Variants in ZNF2 observed in about 807,000 individuals in gnomAD.
ZNF2 encodes zinc finger protein 2.2.
ZNF2 carries 12 observed loss-of-function variants against 21.9 expected under a neutral mutation model. The observed-to-expected ratio is 0.55, with a 90% CI of 0.35 to 0.89. The LOEUF (loss-of-function observed/expected upper bound fraction) is 0.89, where lower values mean the gene tolerates loss of function less well. Among genes scored for constraint, ZNF2 ranks in the 40% least tolerant of loss-of-function variants. The pLI is 0.01. For synonymous variants in ZNF2, 186 were observed against 196.3 expected (o/e 0.95, Z 0.44); for missense variants, 462 against 544.2 (o/e 0.85, Z 1.50).
At chr2:95,176,529 T>C (rs145433611) in intron 2 of ZNF2, among the ~76,000 whole-genome samples, 7 of 152,256 alleles carry the variant, frequency 4.6e-5, no homozygotes, top group Non-Finnish European at 1.0e-4. Context: ...AGGGTCTGAT[T>C]GGAAGGTTTG....
At position 95,181,219 on chromosome 2, in the gene ZNF2, A is replaced by G. The variant is rs1259298451; in HGVS notation, c.391A>G (p.Asn131Asp). ...TCCTAAATTTGAAGTTCATACACCC[A>G]ATGGCAGGATGGGAACAGAAAAGCA... The part of the protein sequence containing the change: ...LCPKFEVHTP[N>D]GRMGTEKQSP... Residue 131 changes from asparagine (N) to aspartate (D), a missense_variant, in exon 5 of 5, where the codon AAT (asparagine) becomes GAT (aspartate). By Grantham distance (23) the Asn-to-Asp change is conservative (BLOSUM62 1). Transcript: ENST00000614034. 4 of 1,614,100 alleles carry G rather than the reference A, an allele frequency of 2.5e-6. No individual in the cohort carries two copies. The African/African-American group carries it at 5.3e-5, about 22-fold the overall frequency.
chr2:95,170,433 G>A (rs554257295), intron 1 of ZNF2, among the ~76,000 whole-genome samples: 2 of 152,116 alleles, frequency 1.3e-5, no homozygotes, highest in African/African-American at 4.8e-5. Context: ...TTAAAATTTT[G>A]CTTGGCCAGT....
chr2:95,180,720 T>C (rs1408601062), intron 4 of ZNF2, among the ~76,000 whole-genome samples: 1 of 152,102 alleles, frequency 6.6e-6, no homozygotes, highest in Non-Finnish European at 1.5e-5. Flanking sequence ...ATGATGGCCA[T>C]GCTGGTCTCG....
Position 95,183,635 on chromosome 2 carries a change from TTG to T in ZNF2, c.*1532_*1533del, listed in dbSNP as rs1674759124. On this transcript the variant is annotated 3_prime_UTR_variant, in exon 5 of 5. Transcript: ENST00000614034. ...CCTATTTTTTTTTTTTTTTTTTTTT[TTG>T]TGAGACAGAGTCTCACTCTGTCACC... 1.4e-5 allele frequency: 2 copies of T among 147,476 alleles called. No individual in the cohort carries two copies. Among genetic ancestry groups the T allele is most frequent in the Admixed American group, 1.3e-4 (2 of 14,836 alleles). 9.1% of individuals were successfully genotyped at this position (147,476 alleles called of 1,614,324 possible).
chr2:95,174,658 C>T (rs1027836247), intron 1 of ZNF2, among the ~76,000 whole-genome samples: 1 of 152,200 alleles, frequency 6.6e-6, no homozygotes, highest in African/African-American at 2.4e-5. Context: ...TCCATCCCTC[C>T]CTGCTGGGTT....
intron 1 of ZNF2, among the ~76,000 whole-genome samples, chr2:95,170,642 C>G (rs1573393643): frequency 6.6e-6 from 1 of 152,198 alleles, no homozygotes; most frequent in Non-Finnish European, 1.5e-5. Context: ...ATCTATTGAT[C>G]TGGTCTTTTG....
intron 1 of ZNF2, among the ~76,000 whole-genome samples, chr2:95,168,567 C>T (rs1428629123): frequency 2.6e-5 from 4 of 152,200 alleles, no homozygotes; most frequent in African/African-American, 2.4e-5. Context: ...TCACACATCT[C>T]GCTGCCCTAG....
intron 1 of ZNF2, 69 bp from the exon 2 acceptor site, chr2:95,176,119 C>A: frequency 1.4e-6 from 2 of 1,384,930 alleles, no homozygotes; most frequent in South Asian, 1.2e-5. Flanking sequence ...CTTCATGGGT[C>A]AAAAGACTAT....
rs58424759 is a variant in ZNF2, at chr2:95,172,965, ATTT to A, written c.-39-3211_-39-3209del. Among the ~76,000 whole-genome samples the A allele has an allele frequency of 3.6e-5, 5 of 139,048 alleles. No homozygotes were observed. In the South Asian group the frequency reaches 1.1e-3, roughly 32 times the overall value. 91.2% of individuals were successfully genotyped at this position (139,048 alleles called of 152,430 possible). ...CTTTGTGGTTTTTTTTCAGTTGTTGATTTTTTTTTTTTTTGTAAGAAACAAAGC... is the reference window on the plus strand; with the variant it reads ...CTTTGTGGTTTTTTTTCAGTTGTTGATTTTTTTTTTTGTAAGAAACAAAGC... On this transcript the variant is annotated intron_variant, in intron 1 of 4. Transcript: ENST00000614034.
At chr2:95,177,259 T>G (rs1234031347) in intron 2 of ZNF2, among the ~76,000 whole-genome samples, 1 of 152,214 alleles carries the variant, frequency 6.6e-6, no homozygotes, top group Non-Finnish European at 1.5e-5. Flanking sequence ...AGTCTGATAT[T>G]CAGAAGCTCA....
intron 1 of ZNF2, among the ~76,000 whole-genome samples, chr2:95,168,661 T>G (rs1431917563): frequency 2.6e-5 from 4 of 152,214 alleles, no homozygotes; most frequent in Admixed American, 6.5e-5. Context: ...GAAGAGAACT[T>G]TATTTGTTGA....
chr2:95,173,978 G>A (rs950790114), intron 1 of ZNF2, among the ~76,000 whole-genome samples: 12 of 152,160 alleles, frequency 7.9e-5, no homozygotes, highest in African/African-American at 2.9e-4. Context: ...CAAAGTGCTG[G>A]GATTACAGGC....
At position 95,181,541 on chromosome 2, in the gene ZNF2, T is replaced by C; in HGVS notation, c.713T>C (p.Phe238Ser). ...PYECSVCSKA[F>S]FDRSSLTVHQ... ...GAGTGCAGTGTGTGCTCAAAAGCCT[T>C]CTTTGACCGTTCGTCCCTAACTGTC... The change falls in exon 5 of 5, where the codon TTC becomes TCC. Residue 238 changes from phenylalanine (F) to serine (S), a missense_variant. Physicochemically the swap from Phe to Ser is radical, Grantham distance 155. Coordinates refer to ENST00000614034, the MANE Select transcript of ZNF2 (RefSeq NM_021088.4). 5 of 1,614,144 alleles carry C rather than the reference T, an allele frequency of 3.1e-6. No individual in the cohort carries two copies. Among genetic ancestry groups the C allele is most frequent in the Non-Finnish European group, 4.2e-6 (5 of 1,180,028 alleles).
chr2:95,169,624 C>A (rs1303163796), intron 1 of ZNF2, among the ~76,000 whole-genome samples: 1 of 152,100 alleles, frequency 6.6e-6, no homozygotes, highest in Non-Finnish European at 1.5e-5. Flanking sequence ...GTGGCAGGCA[C>A]CTATAATCCC....
intron 3 of ZNF2, among the ~76,000 whole-genome samples, chr2:95,179,649 T>C (rs1280306740): frequency 6.6e-6 from 1 of 152,232 alleles, no homozygotes; most frequent in Non-Finnish European, 1.5e-5. Context: ...TCTGACCTTG[T>C]GCCACTTGCT....
chr2:95,181,036 C>T, intron 4 of ZNF2, 67 bp from the exon 5 acceptor site: 7 of 1,542,420 alleles, frequency 4.5e-6, no homozygotes, highest in Non-Finnish European at 6.2e-6. Flanking sequence ...CTCATCGGAG[C>T]ATCTCTTCTT....
intron 1 of ZNF2, among the ~76,000 whole-genome samples, chr2:95,168,553 G>A (rs894125622): frequency 3.9e-5 from 6 of 152,288 alleles, no homozygotes; most frequent in Admixed American, 3.3e-4. Context: ...CTGTCTTGTT[G>A]ACCTCACACA....
In ZNF2 at chr2:95,169,777, A is replaced by C. The variant is rs762451547; in HGVS notation, c.-40+3917A>C. Among the ~76,000 whole-genome samples, 76 of 152,144 alleles carry C rather than the reference A, an allele frequency of 5.0e-4. 1 individual carries two copies. Among genetic ancestry groups the C allele is most frequent in the Admixed American group, 3.3e-4 (5 of 15,270 alleles). On this transcript the variant is annotated intron_variant, in intron 1 of 4. Coordinates refer to ENST00000614034, the MANE Select transcript of ZNF2 (RefSeq NM_021088.4). ...AAAAAACAAACAAAAAAATGCAACAACTCAGTGTAATTAATATTTTCAGTG... is the reference window on the plus strand; with the variant it reads ...AAAAAACAAACAAAAAAATGCAACACCTCAGTGTAATTAATATTTTCAGTG...
Position 95,179,002 on chromosome 2 carries a change from T to G in ZNF2, c.161-1157T>G, listed in dbSNP as rs567676492. Among the ~76,000 whole-genome samples, 38 of 151,310 alleles carry G rather than the reference T, an allele frequency of 2.5e-4. No individual in the cohort carries two copies. The South Asian group carries it at 2.9e-3, about 12-fold the overall frequency. On this transcript the variant is annotated intron_variant, in intron 3 of 4. Coordinates refer to ENST00000614034, the MANE Select transcript of ZNF2 (RefSeq NM_021088.4). ...AGGTTTGGTTTTTTTTGTTTTTTTT[T>G]TTTTTTTGAGACAGAGTCTCACTCT...
Sources: allele counts gnomAD v4.1 joint callset (sites outside exome capture counted in the v4.1 genomes callset), GRCh38; gene constraint gnomAD v4.1.1; transcripts MANE v1.5; gene names NCBI Gene and HGNC (gene_info 2026-07-23, HGNC 2026-07-21).